LINGO2: variants seen among roughly 807,000 people sequenced by gnomAD.
LINGO2 encodes the protein leucine-rich repeat and immunoglobulin-like domain-containing nogo receptor-interacting protein 2.
LINGO2 carries 14 observed loss-of-function variants against 30.6 expected under a neutral mutation model. The ratio of observed to expected loss-of-function variants is 0.46; its 90% CI spans 0.30 to 0.72. The LOEUF (loss-of-function observed/expected upper bound fraction) is 0.72. Ranked by LOEUF, LINGO2 falls within the 30% of genes least tolerant of loss-of-function variation. LINGO2 has a pLI of 0.07. For synonymous variants in LINGO2, 317 were observed against 288.5 expected (o/e 1.10, Z -1.00); for missense variants, 729 against 751.7 (o/e 0.97, Z 0.35).
At chr9:28,215,616 T>TAA (rs947398146) in intron 4 of LINGO2, among the ~76,000 whole-genome samples, 1 of 150,568 alleles carries the variant, frequency 6.6e-6, no homozygotes. Flanking sequence ...ATAAATTCAG[T>TAA]AAAAAAAAAT....
the LINGO2 span, among the ~76,000 whole-genome samples, chr9:29,021,737 G>GAAGGAAGGAAGA: frequency 6.7e-6 from 1 of 149,956 alleles, no homozygotes; most frequent in East Asian, 2.0e-4. Flanking sequence ...AGGAAGGAAG[G>GAAGGAAGGAAGA]AAGGAAGGAA....
intron 1 of LINGO2, among the ~76,000 whole-genome samples, chr9:28,575,909 A>T (rs1823956130): frequency 7.1e-6 from 1 of 140,700 alleles, no homozygotes; most frequent in Admixed American, 7.5e-5. Flanking sequence ...GTATATAATT[A>T]TCCTCTTAGC....
chr9:27,956,922 A>G (rs559567701), intron 5 of LINGO2, among the ~76,000 whole-genome samples: 1 of 152,124 alleles, frequency 6.6e-6, no homozygotes, highest in South Asian at 2.1e-4. Flanking sequence ...GCAAGATCTC[A>G]TATCTACAAA....
At chr9:28,144,517 C>G (rs536601046) in intron 4 of LINGO2, among the ~76,000 whole-genome samples, 1 of 152,250 alleles carries the variant, frequency 6.6e-6, no homozygotes, top group Non-Finnish European at 1.5e-5. Flanking sequence ...ATCCATAATT[C>G]CAGGGTTAAG....
chr9:28,024,000 A>G (rs2119398570), intron 4 of LINGO2, among the ~76,000 whole-genome samples: 1 of 152,222 alleles, frequency 6.6e-6, no homozygotes, highest in Admixed American at 6.5e-5. Context: ...CTTTCTGTTT[A>G]GATTCTGGGA....
intron 4 of LINGO2, among the ~76,000 whole-genome samples, chr9:28,117,254 G>A (rs957991793): frequency 3.3e-5 from 5 of 151,720 alleles, no homozygotes; most frequent in South Asian, 2.1e-4. Context: ...CACTTGAGGA[G>A]GCAGTCTGCC....
chr9:28,842,681 T>C, the LINGO2 span, among the ~76,000 whole-genome samples: 1 of 151,830 alleles, frequency 6.6e-6, no homozygotes, highest in Non-Finnish European at 1.5e-5. Flanking sequence ...TCACAGGCCC[T>C]CACATCCTCT....
the LINGO2 span, among the ~76,000 whole-genome samples, chr9:28,846,940 C>T: frequency 6.8e-6 from 1 of 147,376 alleles, no homozygotes; most frequent in Admixed American, 6.8e-5. Flanking sequence ...AAAAAAAGTC[C>T]CCATCTTATG....
chr9:29,087,123 G>C, the LINGO2 span, among the ~76,000 whole-genome samples: 11 of 151,902 alleles, frequency 7.2e-5, no homozygotes, highest in African/African-American at 2.7e-4. Context: ...GTGATCCACC[G>C]GCCCTGGCCT....
chr9:28,805,341 T>G, the LINGO2 span, among the ~76,000 whole-genome samples: 2 of 152,190 alleles, frequency 1.3e-5, no homozygotes, highest in African/African-American at 4.8e-5. Context: ...AATTTGTCAC[T>G]AAGTGGCTCT....
intron 1 of LINGO2, among the ~76,000 whole-genome samples, chr9:28,577,856 G>C (rs1824067318): frequency 6.6e-6 from 1 of 152,092 alleles, no homozygotes; most frequent in African/African-American, 2.4e-5. Context: ...AATCTTACTG[G>C]GAAGACAAAC....
chr9:29,045,264 A>G, the LINGO2 span, among the ~76,000 whole-genome samples: 1 of 152,084 alleles, frequency 6.6e-6, no homozygotes, highest in East Asian at 1.9e-4. Flanking sequence ...TGTTCCGTTT[A>G]CTATTTTCAG....
chr9:28,153,374 T>A (rs1828050320), intron 4 of LINGO2, among the ~76,000 whole-genome samples: 3 of 152,274 alleles, frequency 2.0e-5, no homozygotes, highest in African/African-American at 7.2e-5. Context: ...GAGATAGATC[T>A]CTATATGCAG....
intron 2 of LINGO2, among the ~76,000 whole-genome samples, chr9:28,417,302 G>A (rs1343175674): frequency 6.6e-6 from 1 of 152,108 alleles, no homozygotes; most frequent in Non-Finnish European, 1.5e-5. Context: ...TTCCTTTAAA[G>A]ACATTATGAA....
chr9:29,063,178 G>C, the LINGO2 span, among the ~76,000 whole-genome samples: 1 of 140,506 alleles, frequency 7.1e-6, no homozygotes, highest in African/African-American at 2.6e-5. Flanking sequence ...TGGGAATTAT[G>C]GTGAGAACCT....
the LINGO2 span, among the ~76,000 whole-genome samples, chr9:28,877,271 C>G: frequency 2.0e-5 from 3 of 151,896 alleles, no homozygotes; most frequent in East Asian, 1.9e-4. Flanking sequence ...TCCCATTTGT[C>G]AATTTTGGCT....
chr9:27,950,037 T>C (rs1308557394), exon 6 of LINGO2: 4 of 1,613,978 alleles, frequency 2.5e-6, no homozygotes, highest in Middle Eastern at 1.6e-4. Flanking sequence ...ATTGTTGATA[T>C]TGAGATGCTT....
At chr9:27,996,635 G>A (rs1821676261) in intron 5 of LINGO2, among the ~76,000 whole-genome samples, 1 of 151,728 alleles carries the variant, frequency 6.6e-6, no homozygotes, top group Non-Finnish European at 1.5e-5. Flanking sequence ...TTAAAAAAAG[G>A]GGGGTTAGTT....
intron 1 of LINGO2, among the ~76,000 whole-genome samples, chr9:28,622,431 G>A (rs372606672): frequency 1.3e-5 from 2 of 151,716 alleles, no homozygotes; most frequent in Admixed American, 6.6e-5. Flanking sequence ...CCAAAAATAA[G>A]TGAGAACTTA....
Sources: gnomAD v4.1 joint callset for allele counts (sites outside exome capture counted in the v4.1 genomes callset) on GRCh38, gnomAD v4.1.1 for gene constraint, MANE v1.5 for transcripts, NCBI Gene and HGNC (gene_info 2026-07-23, HGNC 2026-07-21) for gene names.